Variants in LGSN observed in about 807,000 individuals in gnomAD.
LGSN encodes lengsin, lens protein with glutamine synthetase domain.
A neutral mutation model predicts 19.5 loss-of-function variants in LGSN; 21 were observed. That is an observed-to-expected ratio of 1.07 (90% confidence interval 0.76 to 1.55). LGSN has a LOEUF of 1.55. Among genes scored for constraint, LGSN ranks in the 40% most tolerant of loss-of-function variants. The probability of loss-of-function intolerance (pLI) is 0.00; values close to 1 mark genes in which losing one functional copy is unlikely to be tolerated. For missense variants in LGSN, 673 were observed against 608.5 expected, an observed-to-expected ratio of 1.11 and a Z score of -1.12; for synonymous variants, 257 against 215.6, an observed-to-expected ratio of 1.19 and a Z score of -1.68.
At chr6:63,380,274 T>C in the LGSN span, among the ~76,000 whole-genome samples, 6 of 152,242 alleles carry the variant, frequency 3.9e-5, no homozygotes, top group Non-Finnish European at 8.8e-5. Context: ...GACCTTGTCT[T>C]CCTCCTGTTG....
At chr6:63,516,327 AAAT>A in the LGSN span, among the ~76,000 whole-genome samples, 1 of 152,216 alleles carries the variant, frequency 6.6e-6, no homozygotes, top group East Asian at 1.9e-4. Flanking sequence ...ATGCTTGGGA[AAAT>A]AAAGGATTCC....
chr6:63,360,101 TC>T, the LGSN span, among the ~76,000 whole-genome samples: 1 of 152,250 alleles, frequency 6.6e-6, no homozygotes, highest in Non-Finnish European at 1.5e-5. Context: ...TAACATTTTT[TC>T]CTTCATTTCA....
rs769471816 is a variant in LGSN, at chr6:63,281,223, A to G, written c.331-3T>C. 1.2e-5 allele frequency: 18 copies of G among 1,476,706 alleles called. No individual in the cohort carries two copies. Among genetic ancestry groups the G allele is most frequent in the Non-Finnish European group, 1.5e-5 (17 of 1,111,446 alleles). 91.5% of individuals were successfully genotyped at this position (1,476,706 alleles called of 1,614,324 possible). On this transcript the variant is annotated splice_polypyrimidine_tract_variant and splice_region_variant and intron_variant, in intron 3 of 3. Coordinates refer to ENST00000370657, the MANE Select transcript of LGSN (RefSeq NM_016571.3). The stretch of plus-strand genomic sequence containing the variant: ...CAAACACCATGGCTCACTTTCTCCT[A>G]AAGAAGGAAAAAAATGAAGAAATTA...
chr6:63,479,546 T>C, the LGSN span, among the ~76,000 whole-genome samples: 1 of 152,062 alleles, frequency 6.6e-6, no homozygotes, highest in African/African-American at 2.4e-5. Flanking sequence ...GAGACCATCC[T>C]GGCCAATATG....
At chr6:63,452,669 C>CTCTCTCTT in the LGSN span, among the ~76,000 whole-genome samples, 5 of 151,626 alleles carry the variant, frequency 3.3e-5, no homozygotes, top group Non-Finnish European at 7.4e-5. Context: ...CTCTCTCTCT[C>CTCTCTCTT]TCTCTCTGTC....
chr6:63,485,624 T>A, the LGSN span, among the ~76,000 whole-genome samples: 1 of 152,248 alleles, frequency 6.6e-6, no homozygotes, highest in Non-Finnish European at 1.5e-5. Context: ...CCTTCCACAA[T>A]AGTTGAACTA....
chr6:63,345,597 A>C, the LGSN span, among the ~76,000 whole-genome samples: 1 of 152,184 alleles, frequency 6.6e-6, no homozygotes, highest in Non-Finnish European at 1.5e-5. Flanking sequence ...GAGCCAAGAT[A>C]ACGATAGGTA....
the LGSN span, among the ~76,000 whole-genome samples, chr6:63,525,647 T>G: frequency 1.3e-5 from 2 of 152,198 alleles, no homozygotes; most frequent in Non-Finnish European, 2.9e-5. Context: ...AGGTCTGGAT[T>G]CCAGCTTCCA....
At chr6:63,282,341 TTCTTTCTTTC>T (rs752164213) in intron 3 of LGSN, among the ~76,000 whole-genome samples, 1 of 152,196 alleles carries the variant, frequency 6.6e-6, no homozygotes, top group Non-Finnish European at 1.5e-5. Flanking sequence ...CACTTTCCTT[TTCTTTCTTTC>T]TCTTTCTTTC....
At chr6:63,419,506 A>G in the LGSN span, among the ~76,000 whole-genome samples, 1 of 152,244 alleles carries the variant, frequency 6.6e-6, no homozygotes, top group East Asian at 1.9e-4. Flanking sequence ...TTTTATGTAT[A>G]TCTGCATTCT....
intron 2 of LGSN, among the ~76,000 whole-genome samples, chr6:63,288,272 ATAAT>A (rs889361846): frequency 1.4e-5 from 2 of 146,928 alleles, no homozygotes; most frequent in Admixed American, 6.8e-5. Flanking sequence ...TAAATAAATA[ATAAT>A]AATATTCATT....
At chr6:63,352,166 A>G in the LGSN span, among the ~76,000 whole-genome samples, 1 of 152,184 alleles carries the variant, frequency 6.6e-6, no homozygotes, top group Non-Finnish European at 1.5e-5. Context: ...AGGTGGCAAC[A>G]TCTACACAGA....
chr6:63,314,082 C>A (rs530400556), intron 1 of LGSN, among the ~76,000 whole-genome samples: 3 of 151,906 alleles, frequency 2.0e-5, no homozygotes, highest in Admixed American at 1.3e-4. Flanking sequence ...AGGGGTAGAT[C>A]GTTAGAAGAA....
chr6:63,563,856 A>C, the LGSN span, among the ~76,000 whole-genome samples: 2 of 152,248 alleles, frequency 1.3e-5, no homozygotes, highest in East Asian at 3.8e-4. Flanking sequence ...AAGAAAACTT[A>C]GAAAAACTGG....
chr6:63,534,949 A>T, the LGSN span, among the ~76,000 whole-genome samples: 135 of 151,948 alleles, frequency 8.9e-4, 1 homozygote, highest in Non-Finnish European at 1.4e-3. Flanking sequence ...AATCCCAGCT[A>T]CTCTGGAAGC....
At chr6:63,457,159 T>C in the LGSN span, among the ~76,000 whole-genome samples, 1 of 152,206 alleles carries the variant, frequency 6.6e-6, no homozygotes, top group South Asian at 2.1e-4. Context: ...GTTTGACTGA[T>C]TTTCTTTCAT....
At chr6:63,315,765 C>T (rs907189282) in intron 1 of LGSN, among the ~76,000 whole-genome samples, 43 of 150,740 alleles carry the variant, frequency 2.9e-4, no homozygotes, top group African/African-American at 1.0e-3. Context: ...ATAGCTAGAA[C>T]ATAGCAGAAT....
chr6:63,305,373 T>G (rs1768341362), intron 1 of LGSN, among the ~76,000 whole-genome samples: 1 of 152,148 alleles, frequency 6.6e-6, no homozygotes, highest in African/African-American at 2.4e-5. Flanking sequence ...AAGGTTTCAG[T>G]CAACCTCTCA....
chr6:63,329,653 T>C, the LGSN span, among the ~76,000 whole-genome samples: 1 of 152,216 alleles, frequency 6.6e-6, no homozygotes, highest in Non-Finnish European at 1.5e-5. Flanking sequence ...TTTTTGCCTT[T>C]CCAGATTCTC....
Sources: gnomAD v4.1 joint callset for allele counts (sites outside exome capture counted in the v4.1 genomes callset) on GRCh38, gnomAD v4.1.1 for gene constraint, MANE v1.5 for transcripts, NCBI Gene and HGNC (gene_info 2026-07-23, HGNC 2026-07-21) for gene names.